The following TUSC3 variants were observed in gnomAD, a reference collection of about 807,000 sequenced individuals.
TUSC3 encodes the protein tumor suppressor candidate 3, also known as dolichyl-diphosphooligosaccharide--protein glycosyltransferase subunit TUSC3.
A neutral mutation model predicts 44.8 loss-of-function variants in TUSC3; 45 were observed. The observed-to-expected ratio is 1.00, with a 90% CI of 0.79 to 1.29. The LOEUF is 1.29. Among genes scored for constraint, TUSC3 ranks in the 50% most tolerant of loss-of-function variants. The probability of loss-of-function intolerance (pLI) is 0.00; values close to 1 mark genes in which losing one functional copy is unlikely to be tolerated. For missense variants in TUSC3, 519 were observed against 437.9 expected, an observed-to-expected ratio of 1.19 and a Z score of -1.65; for synonymous variants, 212 against 152.9, an observed-to-expected ratio of 1.39 and a Z score of -2.85.
chr8:15,785,006 A>AAT, the TUSC3 span, among the ~76,000 whole-genome samples: 47,794 of 149,390 alleles, frequency 0.32, 7,639 homozygotes, highest in Admixed American at 0.44. Context: ...CATTGTACCT[A>AAT]ATATATATAT....
At chr8:15,644,074 GAAAT>G (rs1806507571) in intron 2 of TUSC3, among the ~76,000 whole-genome samples, 1 of 152,118 alleles carries the variant, frequency 6.6e-6, no homozygotes, top group African/African-American at 2.4e-5. Flanking sequence ...TTCATCATGG[GAAAT>G]AAATATGTAG....
chr8:15,818,482 G>A, the TUSC3 span, among the ~76,000 whole-genome samples: 2 of 152,072 alleles, frequency 1.3e-5, no homozygotes, highest in Admixed American at 1.3e-4. Flanking sequence ...TCTGTTGATT[G>A]TACAGCTTGA....
At position 15,637,543 on chromosome 8, in the gene TUSC3, C is replaced by T. The variant is rs545322561; in HGVS notation, c.309-13154C>T. 3.9e-4 allele frequency among the ~76,000 whole-genome samples: 59 copies of T among 152,200 alleles called. 1 individual carries two copies. The South Asian group carries it at 0.011, about 29-fold the overall frequency. ...GAGTATTTTGTTTCAGTTTTCTCTT[C>T]ATGATTTTGTTTTTAGGGAAATTTT... On this transcript the variant is annotated intron_variant, in intron 2 of 10. Coordinates refer to ENST00000503731, the MANE Select transcript of TUSC3 (RefSeq NM_006765.4).
At chr8:15,645,938 T>C (rs1244775104) in intron 2 of TUSC3, among the ~76,000 whole-genome samples, 2 of 152,104 alleles carry the variant, frequency 1.3e-5, no homozygotes, top group African/African-American at 2.4e-5. Context: ...TAAACTTAGC[T>C]TAAGGGTATT....
chr8:15,750,590 A>ATGT (rs139430065), intron 9 of TUSC3, among the ~76,000 whole-genome samples: 3,037 of 151,648 alleles, frequency 0.02, 95 homozygotes, highest in African/African-American at 0.07. Context: ...CTCTGGGGTT[A>ATGT]TGTTGTTGTT....
Position 15,483,649 on chromosome 8 carries a change from A to ATTTTTTTTTTTTTTTTT in TUSC3, n.189+174_189+190dup, listed in dbSNP as rs60092911. 2.1e-3 allele frequency among the ~76,000 whole-genome samples: 136 copies of ATTTTTTTTTTTTTTTTT among 66,152 alleles called. 13 individuals carry two copies. The highest frequency in any genetic ancestry group is 3.3e-3 in the South Asian group (5 of 1,506). 43.4% of individuals were successfully genotyped at this position (66,152 alleles called of 152,430 possible). ...CCGTCGTGCCCAGCCTAGCACTGTG[A>ATTTTTTTTTTTTTTTTT]TTTTTTTTTTTTTTTTTTTTTTTTG... is the stretch of plus-strand genomic sequence containing the variant. On this transcript the variant is annotated intron_variant and non_coding_transcript_variant, in intron 2 of 5. Transcript: ENST00000503191.
chr8:15,689,121 C>T (rs569624630), intron 6 of TUSC3: 55 of 382,192 alleles, frequency 1.4e-4, no homozygotes, highest in African/African-American at 9.1e-4. Context: ...TTGTCTTGCA[C>T]GCCATTCTTC....
At chr8:15,424,641 G>A (rs533366799) in intron 1 of TUSC3, among the ~76,000 whole-genome samples, 67 of 152,320 alleles carry the variant, frequency 4.4e-4, no homozygotes, top group Admixed American at 7.2e-4. Context: ...AGCACTCTGG[G>A]AGGCCGAGGT....
chr8:15,661,154 T>C (rs1386821080), intron 4 of TUSC3, among the ~76,000 whole-genome samples: 1 of 151,996 alleles, frequency 6.6e-6, no homozygotes, highest in Non-Finnish European at 1.5e-5. Flanking sequence ...AATTGCATTT[T>C]GAAAGAAATA....
intron 1 of TUSC3, among the ~76,000 whole-genome samples, chr8:15,426,948 G>A (rs1272460485): frequency 6.6e-6 from 1 of 152,098 alleles, no homozygotes; most frequent in Non-Finnish European, 1.5e-5. Flanking sequence ...GCTTTCATTT[G>A]CATTTCCCTG....
At chr8:15,756,991 C>G (rs1811953647) in intron 9 of TUSC3, among the ~76,000 whole-genome samples, 1 of 152,050 alleles carries the variant, frequency 6.6e-6, no homozygotes, top group Admixed American at 6.6e-5. Flanking sequence ...AAAAAATTAG[C>G]CTGGCATGGT....
At chr8:15,572,722 G>C (rs1436313266) in intron 1 of TUSC3, among the ~76,000 whole-genome samples, 1 of 152,078 alleles carries the variant, frequency 6.6e-6, no homozygotes, top group African/African-American at 2.4e-5. Context: ...GGTCATTGTT[G>C]GGTTATTCAT....
chr8:15,749,442 C>G, intron 9 of TUSC3, among the ~76,000 whole-genome samples: 1 of 152,082 alleles, frequency 6.6e-6, no homozygotes, highest in South Asian at 2.1e-4. Flanking sequence ...CCCACCCCCT[C>G]TATTTTCATA....
chr8:15,570,265 T>TACACACAC (rs3070896), intron 1 of TUSC3, among the ~76,000 whole-genome samples: 8,378 of 148,068 alleles, frequency 0.057, 335 homozygotes, highest in Middle Eastern at 0.095. Context: ...TAATGTATTT[T>TACACACAC]ACACACACAC....
intron 2 of TUSC3, among the ~76,000 whole-genome samples, chr8:15,491,287 G>A (rs1364202060): frequency 6.6e-6 from 1 of 152,158 alleles, no homozygotes; most frequent in African/African-American, 2.4e-5. Context: ...CTGTGTGTTA[G>A]GGTAAAGATC....
chr8:15,606,776 A>G (rs375737287), intron 1 of TUSC3, among the ~76,000 whole-genome samples: 25 of 152,056 alleles, frequency 1.6e-4, no homozygotes, highest in Non-Finnish European at 1.6e-4. Flanking sequence ...AATGGCATTG[A>G]TGAACTAAAG....
chr8:15,810,649 G>A, the TUSC3 span, among the ~76,000 whole-genome samples: 3 of 151,652 alleles, frequency 2.0e-5, no homozygotes, highest in Non-Finnish European at 4.4e-5. Context: ...TGGCCAAGGA[G>A]GGGGGGCGGG....
intron 2 of TUSC3, among the ~76,000 whole-genome samples, chr8:15,632,041 A>C (rs1402259961): frequency 6.6e-6 from 1 of 152,098 alleles, no homozygotes; most frequent in Non-Finnish European, 1.5e-5. Flanking sequence ...CACCATTATA[A>C]CTTTTAAGTA....
At chr8:15,548,522 A>G (rs576285502) in intron 1 of TUSC3, among the ~76,000 whole-genome samples, 1 of 151,926 alleles carries the variant, frequency 6.6e-6, no homozygotes, top group African/African-American at 2.4e-5. Context: ...AAACCATCTT[A>G]TTACCTCGAA....
Sources: gnomAD v4.1 joint callset for allele counts (sites outside exome capture counted in the v4.1 genomes callset) on GRCh38, gnomAD v4.1.1 for gene constraint, MANE v1.5 for transcripts, NCBI Gene and HGNC (gene_info 2026-07-23, HGNC 2026-07-21) for gene names.